The following WWOX variants were observed in gnomAD, a reference collection of about 807,000 sequenced individuals.
WWOX encodes WW domain containing oxidoreductase, also known as WW domain-containing oxidoreductase.
In WWOX, 69 loss-of-function variants were observed where a neutral mutation model predicts 46.2. The observed-to-expected ratio is 1.49, with a 90% CI of 1.23 to 1.82. The LOEUF (loss-of-function observed/expected upper bound fraction) is 1.82. WWOX is among the 40% of genes most tolerant of loss of function. The probability of loss-of-function intolerance (pLI) is 0.00; values close to 1 mark genes in which losing one functional copy is unlikely to be tolerated. For synonymous variants in WWOX, 359 were observed against 202.6 expected, an observed-to-expected ratio of 1.77 and a Z score of -6.56; for missense variants, 919 against 542.6, an observed-to-expected ratio of 1.69 and a Z score of -6.89.
chr16:78,598,018 G>A (rs1298657034), intron 8 of WWOX, among the ~76,000 whole-genome samples: 1 of 152,104 alleles, frequency 6.6e-6, no homozygotes, highest in East Asian at 1.9e-4. Flanking sequence ...ATATGATAAA[G>A]TATTCCTGGT....
chr16:78,756,846 T>C (rs1268473200), intron 8 of WWOX: 2 of 691,320 alleles, frequency 2.9e-6, no homozygotes, highest in Non-Finnish European at 5.3e-6. Flanking sequence ...GTATAATCGA[T>C]AGGGTATTGC....
chr16:78,204,213 C>G (rs1020932655), intron 5 of WWOX, among the ~76,000 whole-genome samples: 2 of 152,024 alleles, frequency 1.3e-5, no homozygotes. Flanking sequence ...GTGGGCAGAC[C>G]CTCCAGCCTT....
In WWOX at chr16:78,099,706, A is replaced by G. The variant is rs891496339; in HGVS notation, c.-73A>G. ...CCCGACGCGCGCGGGTCTCGTTTGGAGCGGGAGTGAGTTCCTGAGCGAGTG... is the reference window on the plus strand; with the variant it reads ...CCCGACGCGCGCGGGTCTCGTTTGGGGCGGGAGTGAGTTCCTGAGCGAGTG... On this transcript the variant is annotated 5_prime_UTR_variant, in exon 1 of 9. Transcript: ENST00000566780. 9 of 1,477,556 alleles carry G rather than the reference A, an allele frequency of 6.1e-6. No individual in the cohort carries two copies. The highest frequency in any genetic ancestry group is 2.4e-5 in the Admixed American group (1 of 41,114). The allele number at this position is 1,477,556 out of a possible 1,614,324, so 91.5% of individuals were successfully genotyped here.
At chr16:78,970,213 T>G (rs963372928) in intron 8 of WWOX, among the ~76,000 whole-genome samples, 4 of 152,076 alleles carry the variant, frequency 2.6e-5, no homozygotes, top group Non-Finnish European at 5.9e-5. Context: ...AGCCATTAGC[T>G]CTTTTGATAA....
At chr16:78,175,195 A>G (rs2035299834) in intron 5 of WWOX, among the ~76,000 whole-genome samples, 1 of 151,916 alleles carries the variant, frequency 6.6e-6, no homozygotes, top group South Asian at 2.1e-4. Context: ...GCTGGAGAGA[A>G]GTAGGGGTGT....
At chr16:78,622,651 C>T (rs1454281837) in intron 8 of WWOX, among the ~76,000 whole-genome samples, 5 of 150,246 alleles carry the variant, frequency 3.3e-5, no homozygotes, top group Non-Finnish European at 7.4e-5. Flanking sequence ...CTGATGTGAT[C>T]ACCCTTCCCC....
At chr16:79,081,566 G>T (rs2048760893) in intron 8 of WWOX, among the ~76,000 whole-genome samples, 1 of 152,164 alleles carries the variant, frequency 6.6e-6, no homozygotes. Flanking sequence ...TCTGCTCTTT[G>T]TGGGGCCCTG....
chr16:78,896,284 T>G (rs890127248), intron 8 of WWOX: 2 of 152,094 alleles, frequency 1.3e-5, no homozygotes, highest in Non-Finnish European at 2.9e-5. Context: ...TTAGTCATTT[T>G]CAGAGACAAA....
intron 8 of WWOX, among the ~76,000 whole-genome samples, chr16:78,503,470 G>C (rs1389670410): frequency 6.6e-6 from 1 of 150,536 alleles, no homozygotes; most frequent in African/African-American, 2.4e-5. Flanking sequence ...ATTTTTTTTT[G>C]ATCAAGGTGA....
intron 8 of WWOX, among the ~76,000 whole-genome samples, chr16:78,892,632 A>G (rs1290282927): frequency 6.6e-6 from 1 of 152,258 alleles, no homozygotes; most frequent in Non-Finnish European, 1.5e-5. Context: ...TGTGTGAAAC[A>G]CAAGGTCACC....
chr16:78,539,164 C>G (rs1314729226), intron 8 of WWOX, among the ~76,000 whole-genome samples: 2 of 152,216 alleles, frequency 1.3e-5, no homozygotes, highest in Non-Finnish European at 2.9e-5. Context: ...TGGTTTTCCC[C>G]TAGACTTTGC....
chr16:78,318,183 C>T (rs1234815791), intron 5 of WWOX, among the ~76,000 whole-genome samples: 1 of 151,722 alleles, frequency 6.6e-6, no homozygotes, highest in East Asian at 1.9e-4. Context: ...TTGATCTTTA[C>T]TTCCCGGGGG....
At chr16:78,425,991 A>G (rs1323543979) in intron 7 of WWOX, among the ~76,000 whole-genome samples, 1 of 152,172 alleles carries the variant, frequency 6.6e-6, no homozygotes, top group East Asian at 1.9e-4. Context: ...GAGACCAGCC[A>G]AGGGTTAGCT....
intron 8 of WWOX, among the ~76,000 whole-genome samples, chr16:78,622,717 A>G (rs537378530): frequency 1.3e-5 from 2 of 152,262 alleles, no homozygotes; most frequent in East Asian, 3.9e-4. Flanking sequence ...AGAATATGAA[A>G]AAGATAATAG....
chr16:78,922,322 G>A (rs1373388294), intron 8 of WWOX, among the ~76,000 whole-genome samples: 1 of 151,960 alleles, frequency 6.6e-6, no homozygotes, highest in Non-Finnish European at 1.5e-5. Context: ...ATGATCAGAG[G>A]TGCCCAAGCA....
At chr16:78,715,703 C>T (rs1485453083) in intron 8 of WWOX, among the ~76,000 whole-genome samples, 4 of 152,196 alleles carry the variant, frequency 2.6e-5, no homozygotes, top group Non-Finnish European at 5.9e-5. Flanking sequence ...TCTCGAACTC[C>T]TGACTTCAGG....
At chr16:78,239,832 G>A (rs904954321) in intron 5 of WWOX, among the ~76,000 whole-genome samples, 4 of 152,150 alleles carry the variant, frequency 2.6e-5, no homozygotes, top group Admixed American at 2.6e-4. Context: ...ACCACACCAG[G>A]CTGGCTCTTC....
intron 5 of WWOX, among the ~76,000 whole-genome samples, chr16:78,351,433 C>G (rs1187534583): frequency 6.6e-6 from 1 of 152,152 alleles, no homozygotes; most frequent in Non-Finnish European, 1.5e-5. Flanking sequence ...GAAACCTTGC[C>G]TGGCCCCCAG....
chr16:78,309,330 T>A (rs757092969), intron 5 of WWOX, among the ~76,000 whole-genome samples: 4 of 152,216 alleles, frequency 2.6e-5, no homozygotes, highest in African/African-American at 4.8e-5. Context: ...CACTCTGCCC[T>A]GATTATAAGT....
Sources: allele counts gnomAD v4.1 joint callset (sites outside exome capture counted in the v4.1 genomes callset), GRCh38; gene constraint gnomAD v4.1.1; transcripts MANE v1.5; gene names NCBI Gene and HGNC (gene_info 2026-07-23, HGNC 2026-07-21).